Variants in TNK2 observed in about 807,000 individuals in gnomAD.
TNK2 encodes the protein tyrosine kinase non receptor 2.
TNK2 carries 83 observed loss-of-function variants against 101.8 expected under a neutral mutation model. The observed-to-expected ratio is 0.82, with a 90% CI of 0.68 to 0.98. The LOEUF (loss-of-function observed/expected upper bound fraction) is 0.98. TNK2 is among the 50% of genes least tolerant of loss of function. TNK2 has a pLI of 0.00. For synonymous variants in TNK2, 804 were observed against 633.0 expected, an observed-to-expected ratio of 1.27 and a Z score of -4.06; for missense variants, 1,665 against 1,483.2, an observed-to-expected ratio of 1.12 and a Z score of -2.01.
Position 195,878,186 on chromosome 3 carries a change from C to G in TNK2, c.1256+67G>C, listed in dbSNP as rs1018097690. 3 of 1,524,840 alleles carry G rather than the reference C, an allele frequency of 2.0e-6. No homozygotes were observed. Among genetic ancestry groups the G allele is most frequent in the Non-Finnish European group, 2.7e-6 (3 of 1,099,732 alleles). 94.5% of individuals were successfully genotyped at this position (1,524,840 alleles called of 1,614,324 possible). A position where few individuals can be genotyped will look rare whatever the true frequency, so the allele number is the denominator to read the frequency against. Reference sequence around the variant, plus strand: ...AATCTTGGAGGCCAAACAGATCTGTCCACAGGTCCCTCCGACCTGTGCCCT... The same window carrying G: ...AATCTTGGAGGCCAAACAGATCTGTGCACAGGTCCCTCCGACCTGTGCCCT... On this transcript the variant is annotated intron_variant, in intron 9 of 15. Transcript: ENST00000672887. This position sits in a 1 kb window ranked among gnomAD's most constrained non-coding sequence, Gnocchi z 4.7.
At position 195,886,838 on chromosome 3, in the gene TNK2, G is replaced by A. The variant is rs1219010658; in HGVS notation, c.234+139C>T. The A allele has an allele frequency of 3.0e-5, 27 of 897,152 alleles. 1 individual carries two copies. Among genetic ancestry groups the A allele is most frequent in the South Asian group, 9.9e-5 (7 of 70,648 alleles). 55.6% of individuals were successfully genotyped at this position (897,152 alleles called of 1,614,324 possible). A position where few individuals can be genotyped will look rare whatever the true frequency, so the allele number is the denominator to read the frequency against. ...TGCCCTGCCCGATAAGACCCTGGAC[G>A]AGGGGGTCCTGTACAAAGTGCCGGC... On this transcript the variant is annotated intron_variant, in intron 3 of 15. Transcript: ENST00000672887. The surrounding 1 kb of genome is among the most constrained non-coding windows in gnomAD (Gnocchi z 4.2).
In TNK2 at chr3:195,886,147, G is replaced by C. The variant is rs1220534964; in HGVS notation, c.234+830C>G. ...TATCAGGAGCCAGTGGCAGATCCAAGACCCCTAAATCTCAGCAAACCACGC... is the reference window on the plus strand; with the variant it reads ...TATCAGGAGCCAGTGGCAGATCCAACACCCCTAAATCTCAGCAAACCACGC... On this transcript the variant is annotated intron_variant, in intron 3 of 15. Coordinates refer to ENST00000672887, the MANE Select transcript of TNK2 (RefSeq NM_001382273.1). This position sits in a 1 kb window ranked among gnomAD's most constrained non-coding sequence, Gnocchi z 4.2. 6.5e-6 allele frequency: 1 copy of C among 153,812 alleles called. No individual in the cohort carries two copies. Among genetic ancestry groups the C allele is most frequent in the Non-Finnish European group, 1.4e-5 (1 of 69,312 alleles). 9.5% of individuals were successfully genotyped at this position (153,812 alleles called of 1,614,324 possible).
chr3:195,864,933 G>A (rs1383972030), intron 15 of TNK2, among the ~76,000 whole-genome samples: 2 of 135,890 alleles, frequency 1.5e-5, no homozygotes, highest in Non-Finnish European at 1.6e-5. Context: ...GCGACAGACA[G>A]GTGACACGGA....
intron 1 of TNK2, among the ~76,000 whole-genome samples, chr3:195,893,965 C>T (rs1259897432): frequency 6.6e-6 from 1 of 152,244 alleles, no homozygotes; most frequent in Non-Finnish European, 1.5e-5. Flanking sequence ...CCCCCAACTT[C>T]AGTCCCTCTT....
rs573556506 is a variant in TNK2 at position 195,892,396 on chromosome 3, C to T, written c.-18-3790G>A. 7.9e-6 allele frequency: 12 copies of T among 1,528,208 alleles called. No individual in the cohort carries two copies. In the Admixed American group the frequency reaches 1.6e-4, roughly 20 times the overall value. 94.7% of individuals were successfully genotyped at this position (1,528,208 alleles called of 1,614,324 possible). ...CAACCAGTCCCCAGCAGTCCAGCCC[C>T]TGCCCCCCACTCACTGTGTACAGGC... On this transcript the variant is annotated intron_variant, in intron 1 of 15. Transcript: ENST00000672887.
chr3:195,901,015 T>C (rs1158016675), intron 1 of TNK2, among the ~76,000 whole-genome samples: 1 of 152,208 alleles, frequency 6.6e-6, no homozygotes. Flanking sequence ...ACATTCAGTC[T>C]ACAAGATACA....
At position 195,888,978 on chromosome 3, in the gene TNK2, C is replaced by T. The variant is rs1434235755; in HGVS notation, c.-18-372G>A. ...ACTAACAGTGGTCTCTCCGGGAACA[C>T]CGACGTGTTCTTACTCCTAATATTT... On this transcript the variant is annotated intron_variant, in intron 1 of 15. Coordinates refer to ENST00000672887, the MANE Select transcript of TNK2 (RefSeq NM_001382273.1). The surrounding 1 kb of genome is among the most constrained non-coding windows in gnomAD (Gnocchi z 5.3). 6.6e-6 allele frequency among the ~76,000 whole-genome samples: 1 copy of T among 152,128 alleles called. No individual in the cohort carries two copies. The highest frequency in any genetic ancestry group is 2.4e-5 in the African/African-American group (1 of 41,400).
chr3:195,893,645 T>C (rs1759480161), intron 1 of TNK2, among the ~76,000 whole-genome samples: 1 of 150,166 alleles, frequency 6.7e-6, no homozygotes, highest in Non-Finnish European at 1.5e-5. Context: ...TACACCCCCC[T>C]CGCTACGGCC....
At chr3:195,901,733 C>T (rs1422068669) in intron 1 of TNK2, among the ~76,000 whole-genome samples, 6 of 152,192 alleles carry the variant, frequency 3.9e-5, no homozygotes, top group African/African-American at 1.4e-4. Flanking sequence ...CCTTACTACC[C>T]CAGATTATCC....
rs569987313 is a variant in TNK2 at position 195,887,078 on chromosome 3, G to A, written c.164-31C>T. ...GGGAGAGCGGGGAACCGCGTGCTGTGAAGGCCGCCGTAGCCCGAGAGAGGC... is the reference window on the plus strand; with the variant it reads ...GGGAGAGCGGGGAACCGCGTGCTGTAAAGGCCGCCGTAGCCCGAGAGAGGC... On this transcript the variant is annotated intron_variant, in intron 2 of 15. Coordinates refer to ENST00000672887, the MANE Select transcript of TNK2 (RefSeq NM_001382273.1). The A allele has an allele frequency of 3.7e-5, 58 of 1,558,052 alleles. 1 individual carries two copies. The South Asian group carries it at 5.2e-4, about 14-fold the overall frequency.
intron 15 of TNK2, among the ~76,000 whole-genome samples, chr3:195,866,263 C>T (rs1273884146): frequency 6.6e-6 from 1 of 151,790 alleles, no homozygotes; most frequent in Non-Finnish European, 1.5e-5. Flanking sequence ...TGCAGTGGTG[C>T]AATCTCAGCT....
chr3:195,900,195 C>T (rs1019426618), intron 1 of TNK2, among the ~76,000 whole-genome samples: 1 of 152,036 alleles, frequency 6.6e-6, no homozygotes, highest in Non-Finnish European at 1.5e-5. Flanking sequence ...CGCGGGCTGC[C>T]ACACAGGGTG....
chr3:195,899,074 C>T (rs912792456), intron 1 of TNK2, among the ~76,000 whole-genome samples: 2 of 151,942 alleles, frequency 1.3e-5, no homozygotes, highest in Admixed American at 6.6e-5. Flanking sequence ...CCAGCCTGGG[C>T]GACAGAGAGA....
rs781157859 is a variant in TNK2 at position 195,868,215 on chromosome 3, G to A, written c.2083C>T (p.Pro695Ser). ...YAFVPEQARPPPPLEDNLFLP... is the reference protein window; with the variant it reads ...YAFVPEQARPSPPLEDNLFLP... The stretch of plus-strand genomic sequence containing the variant: ...AACAGGTTGTCCTCCAGGGGAGGGG[G>A]CGGCCGCGCCTGCTCAGGCACAAAG... The change falls in exon 13 of 16, where the codon CCC becomes TCC. Residue 695 changes from proline (P) to serine (S), a missense_variant. Coordinates refer to ENST00000672887, the MANE Select transcript of TNK2 (RefSeq NM_001382273.1). 41 of 1,607,200 alleles carry A rather than the reference G, an allele frequency of 2.6e-5. No homozygotes were observed. In the Admixed American group the frequency reaches 5.0e-4, roughly 20 times the overall value.
chr3:195,868,665 T>C lies in TNK2; in HGVS notation c.1633A>G (p.Ser545Gly). The change falls in exon 13 of 16, where the codon AGC becomes GGC. Residue 545 changes from serine (S) to glycine (G), a missense_variant. Physicochemically the swap from Ser to Gly is moderately conservative, Grantham distance 56. This residue lies in a region of TNK2 where 1,136 missense variants were observed against 894.9 expected (regional missense o/e 1.27). Coordinates refer to ENST00000672887, the MANE Select transcript of TNK2 (RefSeq NM_001382273.1). Reference sequence around the variant, plus strand: ...CGCAGGCCCAGCCTCTTGAAGTCGCTGGACAAGGGGTCTTGGTCCTCGCTC... The same window carrying C: ...CGCAGGCCCAGCCTCTTGAAGTCGCCGGACAAGGGGTCTTGGTCCTCGCTC... Reference protein sequence around the residue: ...PVSEDQDPLSSDFKRLGLRKP... With the variant: ...PVSEDQDPLSGDFKRLGLRKP... 1 of 1,593,450 alleles carries C rather than the reference T, an allele frequency of 6.3e-7. No homozygotes were observed. Among genetic ancestry groups the C allele is most frequent in the Non-Finnish European group, 8.5e-7 (1 of 1,177,790 alleles).
chr3:195,904,537 G>C (rs925448232), intron 1 of TNK2, among the ~76,000 whole-genome samples: 2 of 152,066 alleles, frequency 1.3e-5, no homozygotes, highest in East Asian at 3.9e-4. Flanking sequence ...GAGAGAGGAG[G>C]GAATGGGAAG....
Position 195,868,209 on chromosome 3 carries a change from G to T in TNK2, c.2089C>A (p.Pro697Thr). The stretch of plus-strand genomic sequence containing the variant: ...GGGAGGAACAGGTTGTCCTCCAGGG[G>T]AGGGGGCGGCCGCGCCTGCTCAGGC... ...FVPEQARPPP[P>T]LEDNLFLPPQ... Residue 697 changes from proline to threonine, a missense_variant, in exon 13 of 16, where the codon CCC becomes ACC. Around this residue, in one of 3 missense-constraint regions of TNK2, gnomAD observed 1,136 missense variants for 894.9 expected, o/e 1.27. Coordinates refer to ENST00000672887, the MANE Select transcript of TNK2 (RefSeq NM_001382273.1). The T allele has an allele frequency of 6.2e-7, 1 of 1,608,078 alleles. No individual in the cohort carries two copies. Among genetic ancestry groups the T allele is most frequent in the Non-Finnish European group, 8.5e-7 (1 of 1,178,982 alleles).
At position 195,867,973 on chromosome 3, in the gene TNK2, G is replaced by C. The variant is rs779552219; in HGVS notation, c.2325C>G (p.Pro775=). ...ACTGGCTGGTCTCCTCCTCGCCCGG[G>C]GGGGCTGGAGACAGCTGGACGTGTG... ...TRPHVQLSPA[P]PGEEETSQWP... The change falls in exon 13 of 16, where the codon CCC becomes CCG. Residue 775 remains proline (P), a synonymous_variant. Transcript: ENST00000672887. The C allele has an allele frequency of 9.1e-6, 14 of 1,546,800 alleles. No homozygotes were observed. Among genetic ancestry groups the C allele is most frequent in the Admixed American group, 4.5e-5 (2 of 44,764 alleles).
chr3:195,901,832 G>A (rs1761236987), intron 1 of TNK2, among the ~76,000 whole-genome samples: 1 of 152,178 alleles, frequency 6.6e-6, no homozygotes, highest in Non-Finnish European at 1.5e-5. Flanking sequence ...GCCCATTCAC[G>A]ACTGTACTGC....
Sources: gnomAD v4.1 joint callset for allele counts (sites outside exome capture counted in the v4.1 genomes callset) on GRCh38, gnomAD v4.1.1 for gene constraint, gnomAD v4.1.1 regional missense constraint, Gnocchi (gnomAD v3.1) non-coding constraint, MANE v1.5 for transcripts, NCBI Gene and HGNC (gene_info 2026-07-23, HGNC 2026-07-21) for gene names.